Variants in DNAH14 observed in about 807,000 individuals in gnomAD.
DNAH14 encodes axonemal beta dynein heavy chain 14.
DNAH14 carries 478 observed loss-of-function variants against 520.9 expected under a neutral mutation model. That is an observed-to-expected ratio of 0.92 (90% CI 0.85 to 0.99). DNAH14 has a LOEUF of 0.99. Ranked by LOEUF, DNAH14 falls within the 50% of genes least tolerant of loss-of-function variation. DNAH14 has a pLI of 0.00. For missense variants in DNAH14, 4,831 were observed against 5,234.5 expected (o/e 0.92, Z 2.38); for synonymous variants, 1,581 against 1,757.2 (o/e 0.90, Z 2.51).
Position 225,322,814 on chromosome 1 carries a change from A to G in DNAH14, c.9486A>G (p.Ile3162Met). 1 of 1,549,388 alleles carries G rather than the reference A, an allele frequency of 6.5e-7. No homozygotes were observed. Among genetic ancestry groups the G allele is most frequent in the South Asian group, 1.2e-5 (1 of 83,908 alleles). Reference protein sequence around the residue: ...KKLINLDKDSIPDKVFVKLKK... With the variant: ...KKLINLDKDSMPDKVFVKLKK... ...TGATTAACCTTGACAAGGACAGCAT[A>G]CCTGATAAGGTAAAAAGTTGATCTC... The change falls in exon 62 of 86, where the codon ATA becomes ATG. Residue 3162 changes from isoleucine to methionine, a missense_variant. Transcript: ENST00000682510.
At chr1:225,322,608 A>G in intron 61 of DNAH14, 56 bp from the exon 62 acceptor site, 4 of 1,407,162 alleles carry the variant, frequency 2.8e-6, no homozygotes, top group Non-Finnish European at 3.8e-6. Context: ...AGATATTTAC[A>G]GGGTGCATTT....
At chr1:225,044,562 G>T (rs1506074) in intron 15 of DNAH14, among the ~76,000 whole-genome samples, 112,241 of 151,972 alleles carry the variant, frequency 0.74, 44,324 homozygotes, top group Non-Finnish European at 0.88. Context: ...TTTTGTTTAT[G>T]CAAGTCCCAG....
At chr1:224,968,908 G>C in intron 7 of DNAH14, 34 bp downstream of exon 7, 1 of 1,440,418 alleles carries the variant, frequency 6.9e-7, no homozygotes, top group Non-Finnish European at 9.5e-7. Context: ...ATTCTTTGTA[G>C]TTTGATCCTA....
In DNAH14 at chr1:225,346,336, C is replaced by A; in HGVS notation, c.11053C>A (p.His3685Asn). Residue 3685 changes from histidine (H) to asparagine (N), a missense_variant, in exon 70 of 86, where the codon CAT becomes AAT. By Grantham distance (68) the His-to-Asn change is moderately conservative. Coordinates refer to ENST00000682510, the MANE Select transcript of DNAH14 (RefSeq NM_001367479.1). Reference sequence around the variant, plus strand: ...AAATGAGAAAAATCTCTTAGATAAGCATATTAAAAGTGCAATAGACATGTT... The same window carrying A: ...AAATGAGAAAAATCTCTTAGATAAGAATATTAAAAGTGCAATAGACATGTT... ...LENEKNLLDKHIKSAIDMLTK... is the reference protein window; with the variant it reads ...LENEKNLLDKNIKSAIDMLTK... The A allele has an allele frequency of 6.5e-7, 1 of 1,537,872 alleles. No homozygotes were observed. Among genetic ancestry groups the A allele is most frequent in the Non-Finnish European group, 8.7e-7 (1 of 1,143,226 alleles).
chr1:225,396,176 A>C (rs1042958541), intron 84 of DNAH14: 10 of 152,278 alleles, frequency 6.6e-5, no homozygotes, highest in African/African-American at 2.2e-4. Flanking sequence ...GCTTGGCAAG[A>C]GTATTGACGT....
At chr1:225,185,184 C>T (rs2084542423) in intron 36 of DNAH14, 107 bp from the exon 37 acceptor site, 1 of 1,217,070 alleles carries the variant, frequency 8.2e-7, no homozygotes, top group Non-Finnish European at 1.1e-6. Context: ...AACACAAACT[C>T]ATTTATTATA....
intron 43 of DNAH14, among the ~76,000 whole-genome samples, chr1:225,249,698 T>C (rs2092458662): frequency 6.6e-6 from 1 of 152,164 alleles, no homozygotes; most frequent in South Asian, 2.1e-4. Context: ...CATACATCAG[T>C]TTTAGAATAT....
At chr1:225,134,767 T>A (rs567921001) in intron 27 of DNAH14, among the ~76,000 whole-genome samples, 2 of 152,324 alleles carry the variant, frequency 1.3e-5, no homozygotes, top group African/African-American at 4.8e-5. Context: ...TCCTTCCTCT[T>A]CAATTTTTTG....
At chr1:224,992,610 C>T (rs2489329) in intron 8 of DNAH14, among the ~76,000 whole-genome samples, 13,171 of 151,986 alleles carry the variant, frequency 0.087, 1,831 homozygotes, top group African/African-American at 0.3. Context: ...ACATTTTCTT[C>T]GTGGAATCTT....
chr1:225,358,153 T>A (rs1319619276), intron 73 of DNAH14, among the ~76,000 whole-genome samples: 7 of 152,196 alleles, frequency 4.6e-5, no homozygotes, highest in Non-Finnish European at 1.0e-4. Context: ...GCTCTAGACA[T>A]GTATAGCAGA....
At chr1:225,210,683 C>G (rs1012517315) in intron 41 of DNAH14, among the ~76,000 whole-genome samples, 1 of 152,218 alleles carries the variant, frequency 6.6e-6, no homozygotes, top group Non-Finnish European at 1.5e-5. Flanking sequence ...AAGTGGGTCC[C>G]TGACCCCCGA....
At chr1:224,941,973 A>G (rs1339764316) in intron 1 of DNAH14, among the ~76,000 whole-genome samples, 2 of 152,180 alleles carry the variant, frequency 1.3e-5, no homozygotes, top group Non-Finnish European at 2.9e-5. Context: ...TTGGCTTAGC[A>G]TTGACTTAAC....
intron 66 of DNAH14, among the ~76,000 whole-genome samples, chr1:225,335,680 T>C (rs937551797): frequency 4.7e-5 from 4 of 85,136 alleles, no homozygotes; most frequent in Admixed American, 9.8e-5. Context: ...CATATATGTA[T>C]ATACGCATAT....
chr1:224,930,353 A>G (rs1367877862), intron 1 of DNAH14, among the ~76,000 whole-genome samples: 2 of 152,178 alleles, frequency 1.3e-5, no homozygotes, highest in Admixed American at 6.5e-5. Flanking sequence ...TGTGGGATAG[A>G]CTACGCTAGG....
At chr1:225,327,695 A>G (rs2094706322) in intron 64 of DNAH14, among the ~76,000 whole-genome samples, 1 of 152,164 alleles carries the variant, frequency 6.6e-6, no homozygotes, top group Non-Finnish European at 1.5e-5. Flanking sequence ...ACCCAAAGCT[A>G]GCAGAAGAAA....
chr1:225,338,006 T>TC (rs2095096394), intron 67 of DNAH14, 55 bp from the exon 68 acceptor site: 2 of 1,469,698 alleles, frequency 1.4e-6, no homozygotes, highest in Admixed American at 2.8e-5. Flanking sequence ...CTTTTTTTTT[T>TC]CAACCAATTT....
At chr1:225,378,259 TG>T (rs1440675433) in intron 79 of DNAH14, among the ~76,000 whole-genome samples, 1 of 152,126 alleles carries the variant, frequency 6.6e-6, no homozygotes, top group African/African-American at 2.4e-5. Flanking sequence ...ATTAGAGACT[TG>T]TCTGTGGGAC....
At chr1:225,107,192 G>C (rs2076132884) in intron 23 of DNAH14, among the ~76,000 whole-genome samples, 1 of 152,200 alleles carries the variant, frequency 6.6e-6, no homozygotes. Flanking sequence ...CAGAACAGCA[G>C]ATATTGGTGA....
At chr1:225,119,188 C>A (rs2077104787) in intron 25 of DNAH14, 32 bp from the exon 26 acceptor site, 4 of 1,423,700 alleles carry the variant, frequency 2.8e-6, no homozygotes, top group African/African-American at 1.4e-5. Flanking sequence ...AAAAATAATT[C>A]TTCATGATAT....
Sources: allele counts gnomAD v4.1 joint callset (sites outside exome capture counted in the v4.1 genomes callset), GRCh38; gene constraint gnomAD v4.1.1; transcripts MANE v1.5; gene names NCBI Gene and HGNC (gene_info 2026-07-23, HGNC 2026-07-21).